The following MAP3K7CL variants were observed in gnomAD, a reference collection of about 807,000 sequenced individuals.
The protein encoded by MAP3K7CL is MAP3K7 C-terminal like.
In MAP3K7CL, 16 loss-of-function variants were observed where a neutral mutation model predicts 18.6. The ratio of observed to expected loss-of-function variants is 0.86; its 90% confidence interval spans 0.58 to 1.31. MAP3K7CL has a LOEUF of 1.31. Ranked by LOEUF, MAP3K7CL falls within the 50% of genes most tolerant of loss-of-function variation. The pLI is 0.00. For missense variants in MAP3K7CL, 163 were observed against 174.4 expected (o/e 0.93, Z 0.37); for synonymous variants, 65 against 66.8 (o/e 0.97, Z 0.13).
upstream of MAP3K7CL, chr21:29,085,772 G>C: frequency 1.5e-6 from 2 of 1,318,708 alleles, no homozygotes; most frequent in South Asian, 1.2e-5. Context: ...GGAATGTTGC[G>C]ATGGCTTTGA....
At chr21:29,169,619 A>C (rs1306651710) in intron 4 of MAP3K7CL, among the ~76,000 whole-genome samples, 1 of 152,186 alleles carries the variant, frequency 6.6e-6, no homozygotes, top group African/African-American at 2.4e-5. Flanking sequence ...GCCTTTCCCA[A>C]ATAAAAGTCC....
In MAP3K7CL at chr21:29,150,689, G is replaced by A. The variant is rs2087248266; in HGVS notation, c.132+1439G>A. ...TCCTGGCTTCTAATTTTTAACCATAGTCTCTCCCTTCCCCACTCCCACCCC... is the reference window on the plus strand; with the variant it reads ...TCCTGGCTTCTAATTTTTAACCATAATCTCTCCCTTCCCCACTCCCACCCC... On this transcript the variant is annotated intron_variant, in intron 3 of 4. Coordinates refer to ENST00000399928, the MANE Select transcript of MAP3K7CL (RefSeq NM_001286620.2). 2.0e-5 allele frequency among the ~76,000 whole-genome samples: 3 copies of A among 151,088 alleles called. No individual in the cohort carries two copies. The South Asian group carries it at 6.3e-4, about 32-fold the overall frequency.
At position 29,159,984 on chromosome 21, in the gene MAP3K7CL, T is replaced by A. The variant is rs989999493; in HGVS notation, c.176T>A (p.Phe59Tyr). 1.9e-6 allele frequency: 3 copies of A among 1,614,086 alleles called. No homozygotes were observed. In the Admixed American group the frequency reaches 5.0e-5, roughly 27 times the overall value. The change falls in exon 4 of 5, where the codon TTC becomes TAC. Residue 59 changes from phenylalanine to tyrosine, a missense_variant. Coordinates refer to ENST00000399928, the MANE Select transcript of MAP3K7CL (RefSeq NM_001286620.2). Reference protein sequence around the residue: ...CHDSEESMEVFKQHCQIAEEY... With the variant: ...CHDSEESMEVYKQHCQIAEEY... ...GACTCCGAGGAATCCATGGAGGTGT[T>A]CAAACAGCACTGCCAAATAGCAGAA...
exon 2 of MAP3K7CL, chr21:29,091,574 C>A: frequency 1.4e-6 from 1 of 701,388 alleles, no homozygotes; most frequent in Non-Finnish European, 2.6e-6. Flanking sequence ...CTCCTGGGCC[C>A]AGGTAATTGT....
At chr21:29,132,683 A>T (rs7282357) in intron 1 of MAP3K7CL, among the ~76,000 whole-genome samples, 41,181 of 151,592 alleles carry the variant, frequency 0.27, 5,822 homozygotes, top group East Asian at 0.4. Flanking sequence ...CTAATTTTTG[A>T]ATTTTTGATA....
intron 2 of MAP3K7CL, among the ~76,000 whole-genome samples, chr21:29,148,311 G>A (rs1432132840): frequency 1.3e-5 from 2 of 152,032 alleles, no homozygotes; most frequent in Non-Finnish European, 2.9e-5. Flanking sequence ...TATGTACTAG[G>A]GTAGGGATTG....
At chr21:29,145,061 CTTAGGATACATT>C (rs1225040770) in intron 2 of MAP3K7CL, among the ~76,000 whole-genome samples, 1 of 152,108 alleles carries the variant, frequency 6.6e-6, no homozygotes, top group Non-Finnish European at 1.5e-5. Context: ...TAAAAAATTT[CTTAGGATACATT>C]TTGCTTGGTC....
intron 1 of MAP3K7CL, among the ~76,000 whole-genome samples, chr21:29,089,418 T>A (rs1323137791): frequency 6.6e-6 from 1 of 152,254 alleles, no homozygotes; most frequent in Admixed American, 6.5e-5. Context: ...CTATCTCACA[T>A]ACATTATGGG....
chr21:29,085,700 T>G (rs926475020), upstream of MAP3K7CL: 1 of 615,596 alleles, frequency 1.6e-6, no homozygotes, highest in African/African-American at 1.8e-5. Context: ...TGTATGTGAA[T>G]GAAATGTTAC....
intron 3 of MAP3K7CL, among the ~76,000 whole-genome samples, chr21:29,151,663 C>G (rs2087278897): frequency 6.6e-6 from 1 of 152,076 alleles, no homozygotes; most frequent in Non-Finnish European, 1.5e-5. Context: ...AAAGCATATT[C>G]AGGCTATTGT....
intron 4 of MAP3K7CL, among the ~76,000 whole-genome samples, chr21:29,169,021 C>T (rs1023276601): frequency 6.6e-6 from 1 of 152,200 alleles, no homozygotes; most frequent in Non-Finnish European, 1.5e-5. Flanking sequence ...AGGAAATTCT[C>T]CACACCTGCC....
At chr21:29,083,979 T>A (rs1022964500), upstream of MAP3K7CL, among the ~76,000 whole-genome samples, 1 of 147,228 alleles carries the variant, frequency 6.8e-6, no homozygotes, top group Non-Finnish European at 1.5e-5. Context: ...TAATTGTATA[T>A]AACATATGTA....
At chr21:29,128,603 A>G (rs530216176), upstream of MAP3K7CL, among the ~76,000 whole-genome samples, 3 of 152,258 alleles carry the variant, frequency 2.0e-5, no homozygotes, top group African/African-American at 7.2e-5. Context: ...CGCCCGGCCA[A>G]TTAAATCTTT....
At chr21:29,097,151 T>A (rs2086137533) in intron 4 of MAP3K7CL, among the ~76,000 whole-genome samples, 1 of 151,694 alleles carries the variant, frequency 6.6e-6, no homozygotes, top group African/African-American at 2.4e-5. Context: ...GTTGCAGTTA[T>A]CAGGAAAAGA....
chr21:29,125,476 G>A (rs2086666223), intron 4 of MAP3K7CL, among the ~76,000 whole-genome samples: 2 of 152,190 alleles, frequency 1.3e-5, no homozygotes, highest in African/African-American at 4.8e-5. Context: ...ATATAGGGTT[G>A]ATCATTCTGC....
intron 4 of MAP3K7CL, among the ~76,000 whole-genome samples, chr21:29,164,012 A>G (rs1482770055): frequency 6.6e-6 from 1 of 151,700 alleles, no homozygotes. Flanking sequence ...TAGGAGGAAA[A>G]TTGCTCGAAC....
chr21:29,133,114 C>G (rs1470924489), intron 1 of MAP3K7CL, among the ~76,000 whole-genome samples, 192 bp from the exon 2 acceptor site: 1 of 151,676 alleles, frequency 6.6e-6, no homozygotes, highest in Non-Finnish European at 1.5e-5. Context: ...TTTCTTGAGC[C>G]AAGAAAAAAA....
upstream of MAP3K7CL, among the ~76,000 whole-genome samples, chr21:29,127,436 T>C (rs1392718875): frequency 6.6e-6 from 1 of 152,208 alleles, no homozygotes; most frequent in Non-Finnish European, 1.5e-5. Flanking sequence ...TATTTTGGGT[T>C]TCAGTTATGG....
chr21:29,109,409 C>T, intron 4 of MAP3K7CL: 5 of 1,320,986 alleles, frequency 3.8e-6, no homozygotes, highest in Non-Finnish European at 3.9e-6. Context: ...AAATGCTCAG[C>T]CAGGAGGTGT....
Sources: gnomAD v4.1 joint callset for allele counts (sites outside exome capture counted in the v4.1 genomes callset) on GRCh38, gnomAD v4.1.1 for gene constraint, MANE v1.5 for transcripts, NCBI Gene and HGNC (gene_info 2026-07-23, HGNC 2026-07-21) for gene names.